The following FRMD5 variants were observed in gnomAD, a reference collection of about 807,000 sequenced individuals.
The protein encoded by FRMD5 is FERM domain-containing protein 5.
FRMD5 carries 20 observed loss-of-function variants against 69.0 expected under a neutral mutation model. The observed-to-expected ratio is 0.29, with a 90% CI of 0.20 to 0.42. The LOEUF (loss-of-function observed/expected upper bound fraction) is 0.42. Ranked by LOEUF, FRMD5 falls within the 10% of genes least tolerant of loss-of-function variation. FRMD5 has a pLI of 1.00. For synonymous variants in FRMD5, 271 were observed against 260.1 expected (o/e 1.04, Z -0.40); for missense variants, 595 against 708.6 (o/e 0.84, Z 1.82).
At chr15:44,026,946 A>G (rs571758977) in intron 1 of FRMD5, among the ~76,000 whole-genome samples, 89 of 152,322 alleles carry the variant, frequency 5.8e-4, no homozygotes, top group Non-Finnish European at 1.0e-3. Flanking sequence ...AGGTGTATTC[A>G]CCACTAAATA....
At chr15:44,072,947 T>C (rs1001220118) in intron 1 of FRMD5, among the ~76,000 whole-genome samples, 2 of 152,138 alleles carry the variant, frequency 1.3e-5, no homozygotes, top group African/African-American at 4.8e-5. Flanking sequence ...CTGGGCAACA[T>C]AGTAAGACCC....
At chr15:44,105,574 A>T (rs968971974) in intron 1 of FRMD5, among the ~76,000 whole-genome samples, 2 of 152,318 alleles carry the variant, frequency 1.3e-5, no homozygotes, top group African/African-American at 4.8e-5. Context: ...AAATGGTGGC[A>T]ATAAAAATGA....
At chr15:44,143,020 G>A (rs1272716108) in intron 1 of FRMD5, among the ~76,000 whole-genome samples, 1 of 152,010 alleles carries the variant, frequency 6.6e-6, no homozygotes, top group African/African-American at 2.4e-5. Flanking sequence ...AACCTGTGAG[G>A]CAGAGAGGTT....
chr15:44,140,880 C>CAA (rs1203954176), intron 1 of FRMD5, among the ~76,000 whole-genome samples: 201 of 31,316 alleles, frequency 6.4e-3, no homozygotes, highest in South Asian at 9.0e-3. Flanking sequence ...GAGACTGTCT[C>CAA]AAAAAAAAAA....
At chr15:43,900,619 GTTT>G (rs1200733106) in intron 7 of FRMD5, among the ~76,000 whole-genome samples, 2 of 141,992 alleles carry the variant, frequency 1.4e-5, no homozygotes, top group East Asian at 4.1e-4. Flanking sequence ...TTCATTCCTG[GTTT>G]TTTTTTTTTT....
chr15:44,034,904 C>T (rs1447909646), intron 1 of FRMD5, among the ~76,000 whole-genome samples: 1 of 152,154 alleles, frequency 6.6e-6, no homozygotes, highest in African/African-American at 2.4e-5. Flanking sequence ...ATCTCTCCAA[C>T]CTGTCCACTT....
chr15:43,999,965 T>TATATGCCATTC (rs1555392748), intron 1 of FRMD5, among the ~76,000 whole-genome samples: 1 of 75,424 alleles, frequency 1.3e-5, no homozygotes, highest in Admixed American at 1.4e-4. Flanking sequence ...TATATATATA[T>TATATGCCATTC]ATATATATAT....
intron 1 of FRMD5, among the ~76,000 whole-genome samples, chr15:44,120,958 G>A (rs1199742169): frequency 6.6e-5 from 10 of 152,070 alleles, no homozygotes; most frequent in Non-Finnish European, 1.3e-4. Flanking sequence ...CCTGAACTCA[G>A]TCAACTTATA....
intron 1 of FRMD5, among the ~76,000 whole-genome samples, chr15:43,994,623 G>C (rs1052745585): frequency 2.0e-5 from 3 of 152,024 alleles, no homozygotes; most frequent in African/African-American, 7.2e-5. Flanking sequence ...GTAGAGATGG[G>C]GTTTTACCAT....
At chr15:44,060,236 C>T (rs1259485687) in intron 1 of FRMD5, among the ~76,000 whole-genome samples, 1 of 152,322 alleles carries the variant, frequency 6.6e-6, no homozygotes. Context: ...GAGTTACCAG[C>T]TCATAAGCAG....
At chr15:43,926,723 G>A (rs2089592455) in intron 1 of FRMD5, among the ~76,000 whole-genome samples, 1 of 151,638 alleles carries the variant, frequency 6.6e-6, no homozygotes, top group Admixed American at 6.6e-5. Flanking sequence ...TCTGAGACAG[G>A]AATAATACAG....
intron 1 of FRMD5, among the ~76,000 whole-genome samples, chr15:44,127,444 A>G (rs2077039307): frequency 6.6e-6 from 1 of 152,176 alleles, no homozygotes; most frequent in Non-Finnish European, 1.5e-5. Context: ...CCCAGATCTC[A>G]ATCTGGAGTC....
At chr15:43,974,044 A>G (rs1023846428) in intron 1 of FRMD5, among the ~76,000 whole-genome samples, 1 of 151,816 alleles carries the variant, frequency 6.6e-6, no homozygotes, top group African/African-American at 2.4e-5. Context: ...GTTACTCCAA[A>G]AGGGATCAGC....
At chr15:43,951,183 G>C (rs2140511258) in intron 1 of FRMD5, among the ~76,000 whole-genome samples, 1 of 152,198 alleles carries the variant, frequency 6.6e-6, no homozygotes, top group South Asian at 2.1e-4. Context: ...CACTTTGGGA[G>C]GCCAAGGTGG....
At chr15:44,146,606 C>A (rs374099319) in intron 1 of FRMD5, among the ~76,000 whole-genome samples, 8 of 152,230 alleles carry the variant, frequency 5.3e-5, no homozygotes, top group African/African-American at 1.9e-4. Flanking sequence ...ATTTACATTC[C>A]CACCGACAGT....
intron 1 of FRMD5, among the ~76,000 whole-genome samples, chr15:44,012,726 A>G (rs1182142933): frequency 1.3e-5 from 2 of 149,626 alleles, no homozygotes; most frequent in Non-Finnish European, 3.0e-5. Context: ...TTTTGGGTTC[A>G]CCTAAAACAT....
At chr15:44,095,681 C>G (rs900749498) in intron 1 of FRMD5, among the ~76,000 whole-genome samples, 1 of 152,174 alleles carries the variant, frequency 6.6e-6, no homozygotes, top group Admixed American at 6.6e-5. Context: ...GTACCCCCTG[C>G]AGCAGGATTC....
intron 1 of FRMD5, among the ~76,000 whole-genome samples, chr15:44,064,579 A>G (rs1216830187): frequency 6.6e-6 from 1 of 152,048 alleles, no homozygotes; most frequent in Non-Finnish European, 1.5e-5. Context: ...ACAAGAGTGA[A>G]CTCTGTCTCA....
At chr15:44,118,189 T>C (rs1489661775) in intron 1 of FRMD5, among the ~76,000 whole-genome samples, 1 of 152,106 alleles carries the variant, frequency 6.6e-6, no homozygotes, top group Non-Finnish European at 1.5e-5. Flanking sequence ...CTTTAATAGC[T>C]ACCAGGTAAC....
Sources: gnomAD v4.1 joint callset for allele counts (sites outside exome capture counted in the v4.1 genomes callset) on GRCh38, gnomAD v4.1.1 for gene constraint, MANE v1.5 for transcripts, NCBI Gene and HGNC (gene_info 2026-07-23, HGNC 2026-07-21) for gene names.